Variants in MAP3K2 observed in about 807,000 individuals in gnomAD.
MAP3K2 encodes mitogen-activated protein kinase kinase kinase 2.
In MAP3K2, 24 loss-of-function variants were observed where a neutral mutation model predicts 80.3. The ratio of observed to expected loss-of-function variants is 0.30; its 90% CI spans 0.22 to 0.42. The LOEUF is 0.42. Ranked by LOEUF, MAP3K2 falls within the 10% of genes least tolerant of loss-of-function variation. The pLI is 1.00. For synonymous variants in MAP3K2, 244 were observed against 253.7 expected (o/e 0.96, Z 0.36); for missense variants, 608 against 750.1 (o/e 0.81, Z 2.21).
intron 14 of MAP3K2, among the ~76,000 whole-genome samples, chr2:127,316,697 T>C (rs1004367016): frequency 2.0e-5 from 3 of 152,202 alleles, no homozygotes; most frequent in Non-Finnish European, 4.4e-5. Context: ...TGGTAGCTCT[T>C]TGCATTGCTA....
intron 15 of MAP3K2, among the ~76,000 whole-genome samples, chr2:127,314,256 G>A (rs1455539521): frequency 6.6e-6 from 1 of 152,056 alleles, no homozygotes; most frequent in Non-Finnish European, 1.5e-5. Context: ...CTTTCCCTCG[G>A]TAGTGACACC....
rs1048512250 is a variant in MAP3K2 at position 127,318,112 on chromosome 2, T to C, written c.1194+57A>G. 3.9e-5 allele frequency: 54 copies of C among 1,385,408 alleles called. No individual in the cohort carries two copies. In the Middle Eastern group the frequency reaches 1.0e-3, roughly 26 times the overall value. 85.8% of individuals were successfully genotyped at this position (1,385,408 alleles called of 1,614,324 possible). On this transcript the variant is annotated intron_variant, in intron 13 of 16. Transcript: ENST00000682094. ...ATGGAAGGGGCTTAATGTTAAAAAA[T>C]AATAATGAATAAAGTTTCTTATAAT...
At position 127,339,034 on chromosome 2, in the gene MAP3K2, C is replaced by G; in HGVS notation, c.21G>C (p.Leu7Phe). Residue 7 changes from leucine (L) to phenylalanine (F), a missense_variant, in exon 3 of 17, where the codon TTG becomes TTC. Leu to Phe is a conservative substitution (Grantham distance 22). This residue lies in a region of MAP3K2 where 467 missense variants were observed against 521.9 expected (regional missense o/e 0.89). Transcript: ENST00000682094. The surrounding 1 kb of genome is among the most constrained non-coding windows in gnomAD (Gnocchi z 4.2). MDDQQA[L>F]NSIMQDLAVL... is the part of the protein sequence containing the mutation. ...CAGCCAAATCTTGCATGATTGAGTT[C>G]AAAGCTTGCTGATCATCTAGGTAGT... The G allele has an allele frequency of 3.1e-6, 5 of 1,609,126 alleles. No individual in the cohort carries two copies. Among genetic ancestry groups the G allele is most frequent in the Non-Finnish European group, 3.4e-6 (4 of 1,176,948 alleles).
intron 1 of MAP3K2, among the ~76,000 whole-genome samples, chr2:127,383,826 C>T (rs1469260816): frequency 1.3e-5 from 2 of 152,018 alleles, no homozygotes; most frequent in East Asian, 1.9e-4. Flanking sequence ...ATTAGGCTAG[C>T]CTGAGCCAGG....
intron 1 of MAP3K2, among the ~76,000 whole-genome samples, chr2:127,375,417 T>A (rs1687134849): frequency 6.7e-6 from 1 of 150,180 alleles, no homozygotes; most frequent in South Asian, 2.1e-4. Context: ...TTTATTTATT[T>A]ATTTTTTTTT....
intron 7 of MAP3K2, among the ~76,000 whole-genome samples, chr2:127,329,353 G>C (rs1372724260): frequency 7.3e-6 from 1 of 136,392 alleles, no homozygotes; most frequent in Non-Finnish European, 1.5e-5. Flanking sequence ...CATTCTATTT[G>C]TACAATTAAA....
intron 2 of MAP3K2, among the ~76,000 whole-genome samples, chr2:127,342,388 G>GGGGGGTGTGTGTGTGTGTGTGTGT (rs143219830): frequency 1.4e-5 from 2 of 147,744 alleles, no homozygotes; most frequent in African/African-American, 5.0e-5. Flanking sequence ...TCTTCATGAG[G>GGGGGGTGTGTGTGTGTGTGTGTGT]GTGTGTGTGT....
chr2:127,359,806 C>A lies in MAP3K2; in HGVS notation c.-65-16612G>T, dbSNP rs181532436. ...CTGGCCATGTGAAGTGCTGGCTCCCCCTTCGCCTTCTGCCATGATTTTAAG... is the reference window on the plus strand; with the variant it reads ...CTGGCCATGTGAAGTGCTGGCTCCCACTTCGCCTTCTGCCATGATTTTAAG... On this transcript the variant is annotated intron_variant, in intron 1 of 16. Coordinates refer to ENST00000682094, the MANE Select transcript of MAP3K2 (RefSeq NM_001371910.2). 1.1e-3 allele frequency among the ~76,000 whole-genome samples: 171 copies of A among 152,306 alleles called. 2 individuals are homozygous for A. In the South Asian group the frequency reaches 0.018, roughly 16 times the overall value.
intron 15 of MAP3K2, among the ~76,000 whole-genome samples, chr2:127,312,061 A>G (rs746235240): frequency 3.3e-5 from 5 of 152,204 alleles, no homozygotes; most frequent in Non-Finnish European, 7.3e-5. Flanking sequence ...TTCAGGTTCA[A>G]TTTCTGGGGG....
At chr2:127,341,096 T>A (rs1686473001) in intron 2 of MAP3K2, among the ~76,000 whole-genome samples, 1 of 151,852 alleles carries the variant, frequency 6.6e-6, no homozygotes, top group African/African-American at 2.4e-5. Flanking sequence ...TTCACACCAT[T>A]CTCCTGCCTC....
intron 7 of MAP3K2, among the ~76,000 whole-genome samples, chr2:127,328,448 A>C (rs1686187631): frequency 6.6e-6 from 1 of 152,218 alleles, no homozygotes; most frequent in Non-Finnish European, 1.5e-5. Flanking sequence ...AAAATGTACA[A>C]GTGTTCTCTC....
Position 127,305,306 on chromosome 2 carries a change from A to C in MAP3K2, c.*2273T>G, listed in dbSNP as rs1282751474. On this transcript the variant is annotated 3_prime_UTR_variant, in exon 17 of 17. Coordinates refer to ENST00000682094, the MANE Select transcript of MAP3K2 (RefSeq NM_001371910.2). The stretch of plus-strand genomic sequence containing the variant: ...ATTCATAAAAGATAAAGAAATTATA[A>C]TAGATCCACACACTTGGGGATTCTT... The C allele has an allele frequency of 6.6e-6, 1 of 152,254 alleles. No individual in the cohort carries two copies. The highest frequency in any genetic ancestry group is 2.1e-4 in the South Asian group (1 of 4,826). 9.4% of individuals were successfully genotyped at this position (152,254 alleles called of 1,614,324 possible).
chr2:127,342,403 G>GTGTGTGTA (rs1686512580), intron 2 of MAP3K2, among the ~76,000 whole-genome samples: 1 of 151,724 alleles, frequency 6.6e-6, no homozygotes, highest in South Asian at 2.1e-4. Context: ...GTGTGTGTGT[G>GTGTGTGTA]TGTGTGTGTG....
intron 5 of MAP3K2, among the ~76,000 whole-genome samples, chr2:127,332,640 G>T (rs1369155302): frequency 1.3e-5 from 2 of 152,186 alleles, no homozygotes; most frequent in African/African-American, 4.8e-5. Flanking sequence ...TTCTGGCTTG[G>T]TGAATTCATT....
At chr2:127,311,622 C>T (rs570374812) in intron 15 of MAP3K2, among the ~76,000 whole-genome samples, 2 of 152,294 alleles carry the variant, frequency 1.3e-5, no homozygotes, top group South Asian at 4.1e-4. Context: ...CTGCCCCAGC[C>T]ATACTGCCAA....
chr2:127,352,391 C>G (rs944690174), intron 1 of MAP3K2, among the ~76,000 whole-genome samples: 1 of 152,174 alleles, frequency 6.6e-6, no homozygotes, highest in African/African-American at 2.4e-5. Context: ...CCATTCTTCA[C>G]CCCACTTCCC....
intron 1 of MAP3K2, among the ~76,000 whole-genome samples, chr2:127,365,757 C>G (rs1428611828): frequency 6.6e-6 from 1 of 152,230 alleles, no homozygotes; most frequent in Non-Finnish European, 1.5e-5. Flanking sequence ...AAACGCTGAG[C>G]TGACCACTGC....
Position 127,302,962 on chromosome 2 carries a change from C to T in MAP3K2, c.*4617G>A, listed in dbSNP as rs532996606. 1 of 152,052 alleles carries T rather than the reference C, an allele frequency of 6.6e-6. No homozygotes were observed. Among genetic ancestry groups the T allele is most frequent in the South Asian group, 2.1e-4 (1 of 4,804 alleles). The allele number at this position is 152,052 out of a possible 1,614,324, so 9.4% of individuals were successfully genotyped here. ...ATTAAGAAACATTTAAGGACCAATA[C>T]ACAGTCTAAGGCCAAATGAACTTGT... On this transcript the variant is annotated 3_prime_UTR_variant, in exon 17 of 17. Coordinates refer to ENST00000682094, the MANE Select transcript of MAP3K2 (RefSeq NM_001371910.2).
chr2:127,365,344 C>G (rs1490752649), intron 1 of MAP3K2, among the ~76,000 whole-genome samples: 1 of 152,044 alleles, frequency 6.6e-6, no homozygotes, highest in African/African-American at 2.4e-5. Context: ...TCACTATGGA[C>G]TCCCACAACT....
Sources: gnomAD v4.1 joint callset for allele counts (sites outside exome capture counted in the v4.1 genomes callset) on GRCh38, gnomAD v4.1.1 for gene constraint, gnomAD v4.1.1 regional missense constraint, Gnocchi (gnomAD v3.1) non-coding constraint, MANE v1.5 for transcripts, NCBI Gene and HGNC (gene_info 2026-07-23, HGNC 2026-07-21) for gene names.